IL6ST: variants seen among roughly 807,000 people sequenced by gnomAD.
IL6ST encodes interleukin-6 receptor subunit beta.
In IL6ST, 24 loss-of-function variants were observed where a neutral mutation model predicts 91.3. That is an observed-to-expected ratio of 0.26 (90% CI 0.19 to 0.37). The LOEUF (loss-of-function observed/expected upper bound fraction) is 0.37, where lower values mean the gene tolerates loss of function less well. Among genes scored for constraint, IL6ST ranks in the 10% least tolerant of loss-of-function variants. IL6ST has a pLI of 1.00. For synonymous variants in IL6ST, 351 were observed against 373.6 expected (o/e 0.94, Z 0.70); for missense variants, 914 against 1,078.5 (o/e 0.85, Z 2.14).
chr5:55,984,301 T>G (rs1309760415), intron 1 of IL6ST, among the ~76,000 whole-genome samples: 1 of 152,222 alleles, frequency 6.6e-6, no homozygotes, highest in Non-Finnish European at 1.5e-5. Context: ...ATTTTCTTTT[T>G]GTTTGTTATG....
chr5:55,954,771 A>C, intron 11 of IL6ST, 39 bp downstream of exon 11: 1 of 1,488,088 alleles, frequency 6.7e-7, no homozygotes, highest in Admixed American at 2.1e-5. Flanking sequence ...AAAGAGTTAG[A>C]AAAAGGATAT....
Position 55,980,476 on chromosome 5 carries a change from G to C in IL6ST, c.-16+2248C>G, listed in dbSNP as rs758748924. On this transcript the variant is annotated intron_variant, in intron 2 of 16. Transcript: ENST00000381298. ...GAGGCAGGAGAATCACTTGAACCCG[G>C]GAGGCGGAGGTTGCAGTGAACGGAG... Among the ~76,000 whole-genome samples, 5 of 152,306 alleles carry C rather than the reference G, an allele frequency of 3.3e-5. No homozygotes were observed. In the East Asian group the frequency reaches 9.6e-4, roughly 29 times the overall value.
chr5:55,969,031 T>C (rs537578057), intron 4 of IL6ST, among the ~76,000 whole-genome samples: 1 of 152,150 alleles, frequency 6.6e-6, no homozygotes, highest in Non-Finnish European at 1.5e-5. Flanking sequence ...CCATTTCTAC[T>C]AAAAATATGA....
chr5:55,965,019 AT>A (rs1405572939), intron 5 of IL6ST, among the ~76,000 whole-genome samples: 1 of 152,188 alleles, frequency 6.6e-6, no homozygotes, highest in African/African-American at 2.4e-5. Flanking sequence ...AATACTATTA[AT>A]AGATTTGACT....
chr5:55,971,117 A>C (rs1752940973), intron 3 of IL6ST, among the ~76,000 whole-genome samples: 1 of 152,206 alleles, frequency 6.6e-6, no homozygotes, highest in Admixed American at 6.5e-5. Context: ...GAGCATGTCC[A>C]AAACTATTAT....
At chr5:55,961,463 T>G (rs577374132) in intron 7 of IL6ST, among the ~76,000 whole-genome samples, 1 of 152,088 alleles carries the variant, frequency 6.6e-6, no homozygotes, top group East Asian at 1.9e-4. Context: ...TGACCCTAAG[T>G]TGAAAGACAG....
At chr5:55,989,003 G>A (rs1413118065) in intron 1 of IL6ST, among the ~76,000 whole-genome samples, 1 of 151,406 alleles carries the variant, frequency 6.6e-6, no homozygotes, top group Non-Finnish European at 1.5e-5. Flanking sequence ...GACCATGCCT[G>A]TAATCCCAGC....
intron 1 of IL6ST, among the ~76,000 whole-genome samples, chr5:55,992,418 T>A (rs932935016): frequency 6.6e-6 from 1 of 152,216 alleles, no homozygotes; most frequent in African/African-American, 2.4e-5. Flanking sequence ...ACCACTTAGC[T>A]GGGCAAATTA....
chr5:55,950,253 G>A (rs2111663031), intron 14 of IL6ST: 1 of 464,088 alleles, frequency 2.2e-6, no homozygotes, highest in Non-Finnish European at 4.3e-6. Context: ...ACAGGGTCAA[G>A]AGGCCGGGTG....
chr5:55,992,109 T>G (rs961918834), intron 1 of IL6ST, among the ~76,000 whole-genome samples: 1 of 152,214 alleles, frequency 6.6e-6, no homozygotes, highest in Non-Finnish European at 1.5e-5. Flanking sequence ...GTATCATCTC[T>G]TATATGGAAT....
chr5:55,983,389 C>T (rs1753775410), intron 1 of IL6ST, among the ~76,000 whole-genome samples: 1 of 152,194 alleles, frequency 6.6e-6, no homozygotes, highest in African/African-American at 2.4e-5. Flanking sequence ...ATGACAGGAA[C>T]ATTTATGACA....
At chr5:55,988,056 G>A (rs1365676491) in intron 1 of IL6ST, among the ~76,000 whole-genome samples, 10 of 151,464 alleles carry the variant, frequency 6.6e-5, no homozygotes, top group Non-Finnish European at 1.0e-4. Flanking sequence ...GCTCGAACCC[G>A]GGAGGCAGAG....
chr5:55,940,729 C>G lies in IL6ST; in HGVS notation c.*353G>C, dbSNP rs1374620309. On this transcript the variant is annotated 3_prime_UTR_variant, in exon 17 of 17. Transcript: ENST00000381298. ...ATCAAAATCAGTATAGCTGTGCTCA[C>G]TAAGCATATCACTGCTTATTATTCA... is the stretch of plus-strand genomic sequence containing the variant. The G allele has an allele frequency of 3.6e-6, 1 of 278,910 alleles. No individual in the cohort carries two copies. The highest frequency in any genetic ancestry group is 5.5e-5 in the East Asian group (1 of 18,264). 17.3% of individuals were successfully genotyped at this position (278,910 alleles called of 1,614,324 possible). A position where few individuals can be genotyped will look rare whatever the true frequency, so the allele number is the denominator to read the frequency against.
At chr5:55,988,043 A>G (rs768395571) in intron 1 of IL6ST, among the ~76,000 whole-genome samples, 1 of 151,360 alleles carries the variant, frequency 6.6e-6, no homozygotes. Flanking sequence ...AGGCAGAAGA[A>G]TTGCTCGAAC....
intron 1 of IL6ST, among the ~76,000 whole-genome samples, chr5:55,983,422 A>G (rs1020841511): frequency 3.9e-5 from 6 of 152,204 alleles, no homozygotes; most frequent in Admixed American, 2.6e-4. Context: ...TAACAATCAC[A>G]TATTTCTTCT....
At chr5:55,979,889 C>T (rs1753541220) in intron 2 of IL6ST, among the ~76,000 whole-genome samples, 1 of 152,088 alleles carries the variant, frequency 6.6e-6, no homozygotes. Context: ...TGATGGGACA[C>T]TAGTTAAATG....
intron 1 of IL6ST, among the ~76,000 whole-genome samples, chr5:55,992,347 T>G (rs530470122): frequency 2.6e-5 from 4 of 152,310 alleles, no homozygotes; most frequent in Middle Eastern, 3.4e-3. Flanking sequence ...AGACGCAGGA[T>G]GTATCATGGT....
intron 3 of IL6ST, among the ~76,000 whole-genome samples, chr5:55,975,214 G>A (rs1753215093): frequency 6.6e-5 from 10 of 152,096 alleles, no homozygotes; most frequent in Admixed American, 6.5e-4. Context: ...GTGGAGAGGT[G>A]ATTAAATCAT....
chr5:55,956,293 G>T, intron 9 of IL6ST, 58 bp from the exon 10 acceptor site: 1 of 1,021,088 alleles, frequency 9.8e-7, no homozygotes, highest in Non-Finnish European at 1.5e-6. Flanking sequence ...TAAAAAATCA[G>T]TTTTTCTTCA....
Sources: gnomAD v4.1 joint callset for allele counts (sites outside exome capture counted in the v4.1 genomes callset) on GRCh38, gnomAD v4.1.1 for gene constraint, MANE v1.5 for transcripts, NCBI Gene and HGNC (gene_info 2026-07-23, HGNC 2026-07-21) for gene names.